Variants in ARMC1 observed in about 807,000 individuals in gnomAD.
ARMC1 encodes the protein armadillo repeat-containing protein 1.
Under a neutral mutation model 31.4 loss-of-function variants are expected in ARMC1, and 16 were observed. The observed-to-expected ratio is 0.51, with a 90% CI of 0.34 to 0.77. The LOEUF (loss-of-function observed/expected upper bound fraction) is 0.77. Ranked by LOEUF, ARMC1 falls within the 30% of genes least tolerant of loss-of-function variation. The pLI is 0.01. For synonymous variants in ARMC1, 114 were observed against 118.9 expected (o/e 0.96, Z 0.27); for missense variants, 259 against 347.5 (o/e 0.75, Z 2.02).
At chr8:65,622,153 G>T in intron 3 of ARMC1, 110 bp downstream of exon 3, 1 of 792,352 alleles carries the variant, frequency 1.3e-6, no homozygotes. Context: ...ACTTTGGAAA[G>T]CCAAGGTGGA....
intron 4 of ARMC1, among the ~76,000 whole-genome samples, chr8:65,612,850 A>G (rs915349775): frequency 6.6e-6 from 1 of 152,180 alleles, no homozygotes; most frequent in East Asian, 1.9e-4. Flanking sequence ...TGACAGAGTG[A>G]GACTCCATCT....
intron 4 of ARMC1, among the ~76,000 whole-genome samples, chr8:65,609,133 CT>C (rs63319761): frequency 0.54 from 57,825 of 107,350 alleles, 16,185 homozygotes; most frequent in Non-Finnish European, 0.72. Flanking sequence ...GGTTTCTGCT[CT>C]TTTTTTTTTT....
intron 4 of ARMC1, among the ~76,000 whole-genome samples, chr8:65,612,034 T>C (rs1808153853): frequency 6.6e-6 from 1 of 152,186 alleles, no homozygotes; most frequent in Non-Finnish European, 1.5e-5. Context: ...CCTCCCAAAG[T>C]GCTGGGATTA....
At position 65,604,344 on chromosome 8, in the gene ARMC1, G is replaced by C; in HGVS notation, c.*50C>G. ...CACTTGACAGTTCACCACAACAATG[G>C]AAAACTGGCCCCTTGTTGGTTCACA... On this transcript the variant is annotated 3_prime_UTR_variant, in exon 7 of 7. Coordinates refer to ENST00000276569, the MANE Select transcript of ARMC1 (RefSeq NM_018120.6). 1 of 1,550,138 alleles carries C rather than the reference G, an allele frequency of 6.5e-7. No homozygotes were observed. Among genetic ancestry groups the C allele is most frequent in the South Asian group, 1.2e-5 (1 of 83,598 alleles).
rs148888956 is a variant in ARMC1 at position 65,615,219 on chromosome 8, G to A, written c.276-1786C>T. Among the ~76,000 whole-genome samples the A allele has an allele frequency of 9.9e-5, 15 of 152,170 alleles. No homozygotes were observed. The East Asian group carries it at 2.5e-3, about 25-fold the overall frequency. The stretch of plus-strand genomic sequence containing the variant: ...TAAGTTACTTTGGGTGACTTTAGCC[G>A]TGTGTTACAGAAAGCTATCAAAAGG... On this transcript the variant is annotated intron_variant, in intron 3 of 6. Transcript: ENST00000276569.
chr8:65,604,601 T>A lies in ARMC1; in HGVS notation c.658-16A>T. 2 of 1,606,476 alleles carry A rather than the reference T, an allele frequency of 1.2e-6. No homozygotes were observed. The highest frequency in any genetic ancestry group is 1.7e-6 in the Non-Finnish European group (2 of 1,175,278). On this transcript the variant is annotated splice_polypyrimidine_tract_variant and intron_variant, in intron 6 of 6. Transcript: ENST00000276569. ...GGACCAACATCTGATACAGAAAATA[T>A]TGAGAGTTATTACAAAATCAACTTT... is the stretch of plus-strand genomic sequence containing the variant.
intron 4 of ARMC1, among the ~76,000 whole-genome samples, chr8:65,609,882 G>GAAGAAGAAA (rs1808090647): frequency 8.4e-6 from 1 of 118,828 alleles, no homozygotes; most frequent in Non-Finnish European, 1.7e-5. Context: ...AAAAAGAAAA[G>GAAGAAGAAA]AAAAAGAAAA....
At chr8:65,623,307 C>CAAAAAAAAAAAAAAAAAA (rs71245496) in intron 2 of ARMC1, among the ~76,000 whole-genome samples, 1 of 38,338 alleles carries the variant, frequency 2.6e-5, no homozygotes, top group Non-Finnish European at 4.2e-5. Flanking sequence ...GACTCCGTCT[C>CAAAAAAAAAAAAAAAAAA]AAAAAAAAAA....
In ARMC1 at chr8:65,610,143, G is replaced by T. The variant is rs199696676; in HGVS notation, c.465+3101C>A. Among the ~76,000 whole-genome samples, 4 of 151,936 alleles carry T rather than the reference G, an allele frequency of 2.6e-5. No individual in the cohort carries two copies. The East Asian group carries it at 7.9e-4, about 30-fold the overall frequency. On this transcript the variant is annotated intron_variant, in intron 4 of 6. Coordinates refer to ENST00000276569, the MANE Select transcript of ARMC1 (RefSeq NM_018120.6). ...GACGGGATCTCGCCCTGTCGCCCAGGCTGGAGTGCAATGGCGCAATCTCAG... is the reference window on the plus strand; with the variant it reads ...GACGGGATCTCGCCCTGTCGCCCAGTCTGGAGTGCAATGGCGCAATCTCAG...
chr8:65,618,831 C>A (rs938341538), intron 3 of ARMC1, among the ~76,000 whole-genome samples: 1 of 151,646 alleles, frequency 6.6e-6, no homozygotes, highest in African/African-American at 2.4e-5. Flanking sequence ...ATCATGAGGT[C>A]AGGAGACCGA....
At chr8:65,624,517 T>C (rs1808472768) in intron 2 of ARMC1, among the ~76,000 whole-genome samples, 1 of 102,490 alleles carries the variant, frequency 9.8e-6, no homozygotes. Flanking sequence ...AAAAAGACAT[T>C]TTTAAATTTT....
In ARMC1 at chr8:65,604,226, C is replaced by A; in HGVS notation, c.*168G>T. 2 of 583,630 alleles carry A rather than the reference C, an allele frequency of 3.4e-6. No homozygotes were observed. The highest frequency in any genetic ancestry group is 5.8e-6 in the Non-Finnish European group (2 of 343,658). 36.2% of individuals were successfully genotyped at this position (583,630 alleles called of 1,614,324 possible). A position where few individuals can be genotyped will look rare whatever the true frequency, so the allele number is the denominator to read the frequency against. ...CATCTGTAGCCTCTGTCCTTTTTAC[C>A]ACTCAGTGGGGTAAAATGTCCAATA... On this transcript the variant is annotated 3_prime_UTR_variant, in exon 7 of 7. Transcript: ENST00000276569.
intron 1 of ARMC1, among the ~76,000 whole-genome samples, chr8:65,628,344 C>T (rs1034902062): frequency 1.3e-5 from 2 of 151,020 alleles, no homozygotes. Flanking sequence ...CTCCGCCTCC[C>T]GGTTCAAGCA....
intron 3 of ARMC1, among the ~76,000 whole-genome samples, chr8:65,617,916 C>T (rs971123421): frequency 2.2e-4 from 17 of 76,610 alleles, no homozygotes; most frequent in African/African-American, 8.4e-4. Context: ...ATCCTTTTTT[C>T]GGCGGGGGGG....
chr8:65,618,753 G>GT (rs1352577682), intron 3 of ARMC1, among the ~76,000 whole-genome samples: 1 of 151,650 alleles, frequency 6.6e-6, no homozygotes, highest in Non-Finnish European at 1.5e-5. Context: ...TAATAAAAAG[G>GT]TAACTGTCGG....
chr8:65,611,457 T>C (rs1249011287), intron 4 of ARMC1, among the ~76,000 whole-genome samples: 1 of 149,608 alleles, frequency 6.7e-6, no homozygotes, highest in Non-Finnish European at 1.5e-5. Flanking sequence ...GTTGTGGCTT[T>C]AATTTGTTCT....
chr8:65,630,565 T>G (rs1296352776), intron 1 of ARMC1, among the ~76,000 whole-genome samples: 1 of 152,172 alleles, frequency 6.6e-6, no homozygotes, highest in Non-Finnish European at 1.5e-5. Flanking sequence ...ACGCCTGTAA[T>G]CCCAACACTT....
chr8:65,628,294 C>G (rs1360747395), intron 1 of ARMC1, among the ~76,000 whole-genome samples: 1 of 152,074 alleles, frequency 6.6e-6, no homozygotes, highest in East Asian at 1.9e-4. Flanking sequence ...TTCTGTCACC[C>G]AGGCTGGAAT....
intron 4 of ARMC1, among the ~76,000 whole-genome samples, chr8:65,605,748 A>C (rs796842209): frequency 3.3e-5 from 5 of 152,290 alleles, no homozygotes; most frequent in African/African-American, 1.2e-4. Flanking sequence ...TAAATTTTTA[A>C]AGCTTCAATA....
Sources: allele counts gnomAD v4.1 joint callset (sites outside exome capture counted in the v4.1 genomes callset), GRCh38; gene constraint gnomAD v4.1.1; transcripts MANE v1.5; gene names NCBI Gene and HGNC (gene_info 2026-07-23, HGNC 2026-07-21).